The following SLC2A9 variants were observed in gnomAD, a reference collection of about 807,000 sequenced individuals.
The protein encoded by SLC2A9 is solute carrier family 2 member 9.
A neutral mutation model predicts 50.6 loss-of-function variants in SLC2A9; 39 were observed. That is an observed-to-expected ratio of 0.77 (90% CI 0.60 to 1.01). The LOEUF (loss-of-function observed/expected upper bound fraction) is 1.01, where lower values mean the gene tolerates loss of function less well. Ranked by LOEUF, SLC2A9 falls within the 50% of genes least tolerant of loss-of-function variation. SLC2A9 has a pLI of 0.00. For missense variants in SLC2A9, 686 were observed against 677.6 expected, an observed-to-expected ratio of 1.01 and a Z score of -0.14; for synonymous variants, 324 against 276.9, an observed-to-expected ratio of 1.17 and a Z score of -1.69.
At chr4:9,984,669 G>A (rs1384909477) in intron 4 of SLC2A9, among the ~76,000 whole-genome samples, 3 of 152,174 alleles carry the variant, frequency 2.0e-5, no homozygotes, top group African/African-American at 4.8e-5. Flanking sequence ...AGCAGCGTTT[G>A]TCTGACAATA....
intron 5 of SLC2A9, among the ~76,000 whole-genome samples, chr4:9,963,164 T>C (rs1752539719): frequency 6.6e-6 from 1 of 152,108 alleles, no homozygotes; most frequent in Non-Finnish European, 1.5e-5. Flanking sequence ...AGAGAGAGCA[T>C]GTACAGGGGA....
At chr4:9,924,137 G>A (rs778412162) in intron 6 of SLC2A9, 14 of 152,238 alleles carry the variant, frequency 9.2e-5, no homozygotes, top group Non-Finnish European at 2.1e-4. Context: ...AAACAACCCA[G>A]ATTGTCCCAT....
downstream of SLC2A9, among the ~76,000 whole-genome samples, chr4:9,778,926 C>G (rs942240894): frequency 3.3e-5 from 5 of 151,844 alleles, no homozygotes; most frequent in African/African-American, 1.2e-4. Context: ...CACCACCATG[C>G]CTAGGTAAGT....
chr4:9,997,750 T>G (rs1403916169), intron 2 of SLC2A9, among the ~76,000 whole-genome samples: 1 of 148,258 alleles, frequency 6.7e-6, no homozygotes, highest in Non-Finnish European at 1.5e-5. Context: ...TAGGCAAAAA[T>G]GCAACACACA....
chr4:9,860,194 C>T (rs1731389711), intron 10 of SLC2A9, among the ~76,000 whole-genome samples: 1 of 152,224 alleles, frequency 6.6e-6, no homozygotes, highest in Non-Finnish European at 1.5e-5. Context: ...CCCTCCCTGT[C>T]TGCCTGAAAA....
At chr4:9,880,909 C>T (rs1410656526) in intron 10 of SLC2A9, among the ~76,000 whole-genome samples, 1 of 152,214 alleles carries the variant, frequency 6.6e-6, no homozygotes, top group African/African-American at 2.4e-5. Context: ...CTTCTCACTG[C>T]AGGTCTGCCC....
chr4:9,892,359 T>C (rs571065046), intron 8 of SLC2A9, among the ~76,000 whole-genome samples: 1 of 119,816 alleles, frequency 8.3e-6, no homozygotes, highest in East Asian at 2.3e-4. Context: ...CACATGTCTC[T>C]AAAAGCATCC....
chr4:9,826,889 T>C (rs1390297094), intron 11 of SLC2A9, among the ~76,000 whole-genome samples: 1 of 152,190 alleles, frequency 6.6e-6, no homozygotes, highest in Non-Finnish European at 1.5e-5. Context: ...GAAAGCAAAA[T>C]GGAATGCTTG....
At chr4:9,936,042 T>C (rs781200046) in intron 6 of SLC2A9, among the ~76,000 whole-genome samples, 1 of 152,150 alleles carries the variant, frequency 6.6e-6, no homozygotes, top group Non-Finnish European at 1.5e-5. Flanking sequence ...GATGGGGCAG[T>C]TGTCTTACGC....
intron 10 of SLC2A9, among the ~76,000 whole-genome samples, chr4:9,872,950 G>A (rs1733696229): frequency 1.3e-5 from 2 of 152,204 alleles, no homozygotes; most frequent in African/African-American, 4.8e-5. Context: ...CTTTCATTAA[G>A]TTGCTTTGTT....
chr4:10,014,691 C>A (rs1048866083), intron 2 of SLC2A9, among the ~76,000 whole-genome samples: 8 of 152,192 alleles, frequency 5.3e-5, no homozygotes, highest in African/African-American at 1.7e-4. Flanking sequence ...TGGCTCCATG[C>A]AGCCTGTCTC....
chr4:9,804,226 G>C (rs545463557), intron 3 of SLC2A9, among the ~76,000 whole-genome samples: 1 of 152,224 alleles, frequency 6.6e-6, no homozygotes, highest in Non-Finnish European at 1.5e-5. Flanking sequence ...GAATGTTCCT[G>C]GGTGAATAGG....
intron 7 of SLC2A9, among the ~76,000 whole-genome samples, chr4:9,916,129 T>C (rs1236804265): frequency 6.6e-6 from 1 of 152,178 alleles, no homozygotes; most frequent in East Asian, 1.9e-4. Context: ...GGGACTCTCT[T>C]AGGCACTAAG....
intron 3 of SLC2A9, among the ~76,000 whole-genome samples, chr4:9,802,202 A>T (rs1577326809): frequency 6.6e-6 from 1 of 152,258 alleles, no homozygotes; most frequent in East Asian, 1.9e-4. Flanking sequence ...GTATGTGTAC[A>T]TATTTGATTA....
chr4:9,946,901 C>T (rs1416999638), intron 5 of SLC2A9, among the ~76,000 whole-genome samples: 2 of 152,190 alleles, frequency 1.3e-5, no homozygotes, highest in Admixed American at 6.5e-5. Context: ...TCAATTTAGA[C>T]ATCAGAATTG....
exon 4 of SLC2A9, chr4:9,780,001 G>A (rs181580893): frequency 1.9e-3 from 283 of 152,552 alleles, no homozygotes; most frequent in East Asian, 4.8e-3. Context: ...TTTTGGTGGC[G>A]GTGGTGGTGG....
At chr4:9,991,473 T>G (rs1358135476) in intron 3 of SLC2A9, among the ~76,000 whole-genome samples, 1 of 152,100 alleles carries the variant, frequency 6.6e-6, no homozygotes, top group Non-Finnish European at 1.5e-5. Flanking sequence ...GAAGGAGAAT[T>G]TCCATCAAGC....
intron 8 of SLC2A9, among the ~76,000 whole-genome samples, chr4:9,900,441 T>C (rs1259599063): frequency 6.6e-6 from 1 of 151,432 alleles, no homozygotes; most frequent in African/African-American, 2.4e-5. Context: ...AAAATAGAGC[T>C]ACTTACTTAA....
Position 10,014,773 on chromosome 4 carries a change from C to T in SLC2A9, c.249+4202G>A, listed in dbSNP as rs78203288. Among the ~76,000 whole-genome samples, 644 of 152,262 alleles carry T rather than the reference C, an allele frequency of 4.2e-3. 17 individuals are homozygous for T. The East Asian group carries it at 0.07, about 17-fold the overall frequency. The stretch of plus-strand genomic sequence containing the variant: ...GCACCTCGAGGACATGGATGTGTGT[C>T]GTTTTCATCTTTCTACCCCAGATAC... On this transcript the variant is annotated intron_variant, in intron 2 of 11. Coordinates refer to ENST00000264784, the MANE Select transcript of SLC2A9 (RefSeq NM_020041.3).
Sources: gnomAD v4.1 joint callset for allele counts (sites outside exome capture counted in the v4.1 genomes callset) on GRCh38, gnomAD v4.1.1 for gene constraint, MANE v1.5 for transcripts, NCBI Gene and HGNC (gene_info 2026-07-23, HGNC 2026-07-21) for gene names.